Variants in COLQ observed in about 807,000 individuals in gnomAD.
COLQ encodes the protein acetylcholinesterase collagenic tail peptide.
Under a neutral mutation model 69.0 loss-of-function variants are expected in COLQ, and 48 were observed. That is an observed-to-expected ratio of 0.70 (90% CI 0.55 to 0.88). COLQ has a LOEUF of 0.88. Among genes scored for constraint, COLQ ranks in the 40% least tolerant of loss-of-function variants. The probability of loss-of-function intolerance (pLI) is 0.00; values close to 1 mark genes in which losing one functional copy is unlikely to be tolerated. For missense variants in COLQ, 618 were observed against 594.6 expected (o/e 1.04, Z -0.41); for synonymous variants, 217 against 211.2 (o/e 1.03, Z -0.24).
intron 7 of COLQ, 66 bp downstream of exon 7, chr3:15,475,359 T>G (rs1346928554): frequency 1.4e-6 from 2 of 1,462,282 alleles, no homozygotes; most frequent in East Asian, 4.9e-5. Context: ...TCCCTATGTT[T>G]GTAGACAGCA....
chr3:15,517,542 C>A (rs1478803046), intron 1 of COLQ, among the ~76,000 whole-genome samples: 1 of 152,144 alleles, frequency 6.6e-6, no homozygotes. Context: ...GATACTGGAG[C>A]CAAGTCAATC....
intron 1 of COLQ, among the ~76,000 whole-genome samples, chr3:15,501,741 A>T (rs1455168654): frequency 6.6e-6 from 1 of 152,192 alleles, no homozygotes; most frequent in Non-Finnish European, 1.5e-5. Context: ...ACCCTTGAGA[A>T]CTGATCAACC....
At position 15,455,978 on chromosome 3, in the gene COLQ, G is replaced by A. The variant is rs759169923; in HGVS notation, c.1116C>T (p.His372=). The change falls in exon 15 of 17, where the codon CAC becomes CAT. Residue 372 remains histidine (H), a synonymous_variant. Coordinates refer to ENST00000383788, the MANE Select transcript of COLQ (RefSeq NM_005677.4). ...GCAGGAGCCCATCCCCACAGGTGCC[G>A]TGCTGGTCTGCAGTGTAATCCACAG... is the stretch of plus-strand genomic sequence containing the variant. The part of the protein sequence containing the change: ...FYPVDYTADQ[H]GTCGDGLLQP... 5.0e-6 allele frequency: 8 copies of A among 1,613,924 alleles called. No homozygotes were observed. Among genetic ancestry groups the A allele is most frequent in the South Asian group, 4.4e-5 (4 of 91,064 alleles).
intron 11 of COLQ, among the ~76,000 whole-genome samples, chr3:15,467,533 C>A (rs2062217417): frequency 6.6e-6 from 1 of 152,198 alleles, no homozygotes; most frequent in Admixed American, 6.5e-5. Context: ...ATGGAGTGTC[C>A]TCTTTTCTGC....
Position 15,479,003 on chromosome 3 carries a change from C to A in COLQ, c.367G>T (p.Gly123Trp). The A allele has an allele frequency of 6.2e-7, 1 of 1,614,172 alleles. No homozygotes were observed. The change falls in exon 5 of 17, where the codon GGG (glycine) becomes TGG (tryptophan). Residue 123 changes from glycine to tryptophan, a missense_variant and splice_region_variant. By Grantham distance (184) the Gly-to-Trp change is radical. Coordinates refer to ENST00000383788, the MANE Select transcript of COLQ (RefSeq NM_005677.4). ...TTCCTTCCTGGTCGGCCAAGCTCCC[C>A]CTATGGATGGAGAAGACAGGTAAGG... ...PGKTGPKGEK[G>W]ELGRPGRKGR...
At chr3:15,501,980 C>T (rs1279650795) in intron 1 of COLQ, among the ~76,000 whole-genome samples, 2 of 152,182 alleles carry the variant, frequency 1.3e-5, no homozygotes, top group Non-Finnish European at 2.9e-5. Flanking sequence ...ACCATTTTAA[C>T]CAGTGTCAGA....
chr3:15,462,017 A>ATTTATTTG (rs1559514193), intron 12 of COLQ, among the ~76,000 whole-genome samples: 1 of 144,854 alleles, frequency 6.9e-6, no homozygotes, highest in Non-Finnish European at 1.5e-5. Flanking sequence ...TTATTTATTT[A>ATTTATTTG]TTTATTTATT....
chr3:15,465,214 C>T (rs767825718), intron 12 of COLQ, among the ~76,000 whole-genome samples: 7 of 149,258 alleles, frequency 4.7e-5, no homozygotes, highest in Non-Finnish European at 7.4e-5. Context: ...ATGCCCTTCT[C>T]AATAACAGAC....
chr3:15,455,709 T>G (rs1452920376), intron 15 of COLQ, among the ~76,000 whole-genome samples, 190 bp downstream of exon 15: 1 of 152,036 alleles, frequency 6.6e-6, no homozygotes, highest in Non-Finnish European at 1.5e-5. Context: ...GCTTGGGTGG[T>G]GGAAGAGTTA....
intron 10 of COLQ, 78 bp from the exon 11 acceptor site, chr3:15,470,694 T>C (rs2062268547): frequency 9.0e-6 from 12 of 1,335,690 alleles, no homozygotes; most frequent in Non-Finnish European, 1.2e-5. Context: ...TAGCCAGTCA[T>C]TGGCTACGAG....
chr3:15,488,109 A>T, intron 3 of COLQ, 97 bp downstream of exon 3: 1 of 881,416 alleles, frequency 1.1e-6, no homozygotes, highest in Non-Finnish European at 1.8e-6. Context: ...ACAGCTTTGT[A>T]TCACATGAGA....
rs371974104 is a variant in COLQ at position 15,497,036 on chromosome 3, C to CTTTTT, written c.107-7404_107-7400dup. 2.0e-3 allele frequency among the ~76,000 whole-genome samples: 215 copies of CTTTTT among 107,502 alleles called. 7 individuals carry two copies. The highest frequency in any genetic ancestry group is 6.7e-3 in the African/African-American group (182 of 27,040). 70.5% of individuals were successfully genotyped at this position (107,502 alleles called of 152,430 possible). ...CAAATCATCTCCAAAGTCCTTTTGC[C>CTTTTT]TTTTTTTTTTTTTTTTTTTTTTTTT... On this transcript the variant is annotated intron_variant, in intron 1 of 16. Coordinates refer to ENST00000383788, the MANE Select transcript of COLQ (RefSeq NM_005677.4).
chr3:15,480,338 C>A lies in COLQ; in HGVS notation c.322-956G>T, dbSNP rs9917680. 5.9e-3 allele frequency among the ~76,000 whole-genome samples: 895 copies of A among 152,110 alleles called. 9 individuals are homozygous for A. The highest frequency in any genetic ancestry group is 0.021 in the African/African-American group (852 of 41,464). On this transcript the variant is annotated intron_variant, in intron 3 of 16. Coordinates refer to ENST00000383788, the MANE Select transcript of COLQ (RefSeq NM_005677.4). The stretch of plus-strand genomic sequence containing the variant: ...TAATGCTATCCCTCCCCACTCCCCC[C>A]ACCCCACGACAGGCCCTGGTATGTG...
intron 1 of COLQ, among the ~76,000 whole-genome samples, chr3:15,508,753 C>T (rs999641220): frequency 6.6e-6 from 1 of 151,824 alleles, no homozygotes; most frequent in African/African-American, 2.4e-5. Flanking sequence ...TGAATTTTGC[C>T]CATCCGATAG....
At chr3:15,495,948 G>A (rs903000287) in intron 1 of COLQ, among the ~76,000 whole-genome samples, 1 of 152,136 alleles carries the variant, frequency 6.6e-6, no homozygotes, top group Non-Finnish European at 1.5e-5. Flanking sequence ...AAGGGCTGAG[G>A]CTGCAGTGTT....
intron 14 of COLQ, 29 bp from the exon 15 acceptor site, chr3:15,456,048 G>T: frequency 6.2e-7 from 1 of 1,613,560 alleles, no homozygotes; most frequent in Non-Finnish European, 8.5e-7. Flanking sequence ...AGCATTAACT[G>T]GAGCATGGCA....
intron 15 of COLQ, among the ~76,000 whole-genome samples, chr3:15,454,402 C>T (rs1479913814): frequency 6.6e-6 from 1 of 152,192 alleles, no homozygotes; most frequent in Non-Finnish European, 1.5e-5. Flanking sequence ...CCTCTGCTCT[C>T]ACACGATGGG....
intron 7 of COLQ, 200 bp downstream of exon 7, chr3:15,475,225 G>A: frequency 1.5e-6 from 1 of 661,816 alleles, no homozygotes; most frequent in Admixed American, 2.6e-5. Flanking sequence ...CTGCCCAAGA[G>A]AACAGCAGGA....
chr3:15,520,298 C>T (rs2063119090), intron 1 of COLQ, among the ~76,000 whole-genome samples: 1 of 152,220 alleles, frequency 6.6e-6, no homozygotes, highest in Admixed American at 6.5e-5. Flanking sequence ...CTCCTGAATT[C>T]TCCACAAATC....
Sources: allele counts gnomAD v4.1 joint callset (sites outside exome capture counted in the v4.1 genomes callset), GRCh38; gene constraint gnomAD v4.1.1; transcripts MANE v1.5; gene names NCBI Gene and HGNC (gene_info 2026-07-23, HGNC 2026-07-21).